Variants in CASR observed in about 807,000 individuals in gnomAD.
The protein encoded by CASR is calcium sensing receptor.
CASR carries 23 observed loss-of-function variants against 69.1 expected under a neutral mutation model. That is an observed-to-expected ratio of 0.33 (90% CI 0.24 to 0.47). The LOEUF (loss-of-function observed/expected upper bound fraction) is 0.47. CASR is among the 20% of genes least tolerant of loss of function. The pLI, the probability that CASR is intolerant of heterozygous loss-of-function variation, is 1.00. For missense variants in CASR, 924 were observed against 1,356.1 expected (o/e 0.68, Z 5.00); for synonymous variants, 541 against 544.7 (o/e 0.99, Z 0.10).
In CASR at chr3:122,262,135, C is replaced by A. The variant is rs1482267551; in HGVS notation, c.1100C>A (p.Pro367His). The A allele has an allele frequency of 1.9e-6, 3 of 1,614,074 alleles. No homozygotes were observed. Among genetic ancestry groups the A allele is most frequent in the Non-Finnish European group, 2.5e-6 (3 of 1,180,044 alleles). ...NCHLQEGAKG[P>H]LPVDTFLRGH... is the part of the protein sequence containing the mutation. ...CACCTCCAAGAAGGTGCAAAAGGAC[C>A]TTTACCTGTGGACACCTTTCTGAGA... The change falls in exon 4 of 7, where the codon CCT becomes CAT. Residue 367 changes from proline to histidine, a missense_variant. This residue lies in a region of CASR where 310 missense variants were observed against 395.7 expected (regional missense o/e 0.78). Coordinates refer to ENST00000639785, the MANE Select transcript of CASR (RefSeq NM_000388.4).
chr3:122,216,843 C>T (rs992886084), intron 1 of CASR, among the ~76,000 whole-genome samples: 6 of 152,184 alleles, frequency 3.9e-5, no homozygotes, highest in African/African-American at 1.4e-4. Context: ...CAGTGAGATA[C>T]TGTTAATCAT....
intron 3 of CASR, 49 bp from the exon 4 acceptor site, chr3:122,261,479 C>T (rs369788989): frequency 6.3e-7 from 1 of 1,584,298 alleles, no homozygotes; most frequent in African/African-American, 1.3e-5. Context: ...CACTCAGCAC[C>T]TCTTCACTCA....
At chr3:122,198,120 C>G (rs181810714) in intron 1 of CASR, among the ~76,000 whole-genome samples, 2 of 152,254 alleles carry the variant, frequency 1.3e-5, no homozygotes, top group Admixed American at 1.3e-4. Context: ...CATCAATTAG[C>G]ATTCCTTCTA....
At chr3:122,194,410 C>T (rs111615102) in intron 1 of CASR, among the ~76,000 whole-genome samples, 5 of 152,176 alleles carry the variant, frequency 3.3e-5, no homozygotes, top group African/African-American at 1.2e-4. Context: ...GACTGATTGC[C>T]TCCTTCACCC....
intron 1 of CASR, among the ~76,000 whole-genome samples, chr3:122,233,478 CAG>C (rs971716709): frequency 1.3e-5 from 2 of 152,172 alleles, no homozygotes; most frequent in African/African-American, 4.8e-5. Flanking sequence ...CTCTGGGCCT[CAG>C]GGTGTTGGGG....
At chr3:122,187,399 G>T (rs186034546) in intron 1 of CASR, among the ~76,000 whole-genome samples, 1 of 152,106 alleles carries the variant, frequency 6.6e-6, no homozygotes, top group Non-Finnish European at 1.5e-5. Context: ...TTATTCATTC[G>T]ACAGTGTTTA....
intron 4 of CASR, among the ~76,000 whole-genome samples, chr3:122,273,340 C>A (rs1451781652): frequency 6.6e-6 from 1 of 152,138 alleles, no homozygotes; most frequent in Non-Finnish European, 1.5e-5. Flanking sequence ...CCTTTCTATG[C>A]CTCCGTTTCA....
intron 1 of CASR, among the ~76,000 whole-genome samples, chr3:122,198,496 C>T (rs961646586): frequency 5.9e-5 from 9 of 151,900 alleles, no homozygotes; most frequent in Non-Finnish European, 1.3e-4. Flanking sequence ...AATATGATCC[C>T]ATTTCTGTAA....
At chr3:122,265,364 G>A (rs1183847107) in intron 4 of CASR, among the ~76,000 whole-genome samples, 2 of 152,018 alleles carry the variant, frequency 1.3e-5, no homozygotes, top group African/African-American at 4.8e-5. Flanking sequence ...GGTGATTTAT[G>A]AGCATACAAC....
At chr3:122,259,366 G>A (rs2074593544) in intron 3 of CASR, among the ~76,000 whole-genome samples, 1 of 152,040 alleles carries the variant, frequency 6.6e-6, no homozygotes, top group African/African-American at 2.4e-5. Flanking sequence ...TCTGCTAACA[G>A]AATTCTCTGA....
chr3:122,204,342 A>G (rs1307426192), intron 1 of CASR, among the ~76,000 whole-genome samples: 1 of 152,088 alleles, frequency 6.6e-6, no homozygotes, highest in African/African-American at 2.4e-5. Context: ...TTGTCTTTCT[A>G]TGCTTGGCTT....
In CASR at chr3:122,285,410, G is replaced by C; in HGVS notation, c.*219G>C. 8.0e-6 allele frequency: 4 copies of C among 500,376 alleles called. No individual in the cohort carries two copies. The highest frequency in any genetic ancestry group is 2.6e-5 in the South Asian group (1 of 39,198). 31.0% of individuals were successfully genotyped at this position (500,376 alleles called of 1,614,324 possible). On this transcript the variant is annotated 3_prime_UTR_variant, in exon 7 of 7. Transcript: ENST00000639785. Reference sequence around the variant, plus strand: ...GCCTTGTGTTTCTGTGGTTGCATTTGTCAAAGCATTGAGATCTCCACGGTC... The same window carrying C: ...GCCTTGTGTTTCTGTGGTTGCATTTCTCAAAGCATTGAGATCTCCACGGTC...
intron 1 of CASR, among the ~76,000 whole-genome samples, chr3:122,205,871 T>C (rs910442033): frequency 1.2e-4 from 19 of 152,104 alleles, no homozygotes; most frequent in African/African-American, 4.3e-4. Context: ...TTTCAGATTG[T>C]TCACTGGTGG....
In CASR at chr3:122,257,406, G is replaced by A. The variant is rs9869985; in HGVS notation, c.492+19G>A. The A allele has an allele frequency of 0.95, 1,527,439 of 1,604,058 alleles. 728,269 individuals are homozygous for A. Among genetic ancestry groups the A allele is most frequent in the East Asian group, 0.98 (44,078 of 44,782 alleles). The stretch of plus-strand genomic sequence containing the variant: ...TCCCCAGGTACTCAAGCCTTCTCAG[G>A]CGGGGCACTGGGAGCAGGATCAGAA... On this transcript the variant is annotated intron_variant, in intron 3 of 6. Transcript: ENST00000639785.
intron 1 of CASR, among the ~76,000 whole-genome samples, chr3:122,239,137 T>C (rs539056820): frequency 6.6e-6 from 1 of 152,194 alleles, no homozygotes; most frequent in East Asian, 1.9e-4. Context: ...AGCCCAGGTG[T>C]AGGCTCCTAG....
At chr3:122,259,450 C>T (rs1177569069) in intron 3 of CASR, among the ~76,000 whole-genome samples, 1 of 151,978 alleles carries the variant, frequency 6.6e-6, no homozygotes, top group Non-Finnish European at 1.5e-5. Context: ...TCGAGAATAC[C>T]TTATTCTGAT....
chr3:122,215,286 G>A lies in CASR; in HGVS notation c.-243+31474G>A, dbSNP rs568641371. Among the ~76,000 whole-genome samples, 33 of 152,300 alleles carry A rather than the reference G, an allele frequency of 2.2e-4. No homozygotes were observed. The East Asian group carries it at 6.0e-3, about 28-fold the overall frequency. On this transcript the variant is annotated intron_variant, in intron 1 of 6. Coordinates refer to ENST00000639785, the MANE Select transcript of CASR (RefSeq NM_000388.4). ...TGAATGTGGTCCCCTTTTAAGTAAA[G>A]CCCCTTGAAAAGCTTTCTGCTTATC... is the stretch of plus-strand genomic sequence containing the variant.
chr3:122,187,595 G>C (rs113217930), intron 1 of CASR, among the ~76,000 whole-genome samples: 1 of 152,138 alleles, frequency 6.6e-6, no homozygotes, highest in Non-Finnish European at 1.5e-5. Context: ...ATAAGGGAAG[G>C]GAGTGGTCAA....
intron 1 of CASR, among the ~76,000 whole-genome samples, chr3:122,241,056 A>AT (rs1253010136): frequency 6.6e-6 from 1 of 152,058 alleles, no homozygotes. Flanking sequence ...AAATTGAAAG[A>AT]TACAAGTGCC....
Sources: gnomAD v4.1 joint callset for allele counts (sites outside exome capture counted in the v4.1 genomes callset) on GRCh38, gnomAD v4.1.1 for gene constraint, gnomAD v4.1.1 regional missense constraint, MANE v1.5 for transcripts, NCBI Gene and HGNC (gene_info 2026-07-23, HGNC 2026-07-21) for gene names.